Variants in ARHGAP6 observed in about 807,000 individuals in gnomAD.
ARHGAP6 encodes rho GTPase-activating protein 6.
Under a neutral mutation model 55.7 loss-of-function variants are expected in ARHGAP6, and 16 were observed. The observed-to-expected ratio is 0.29, with a 90% CI of 0.19 to 0.44. The LOEUF (loss-of-function observed/expected upper bound fraction) is 0.44, where lower values mean the gene tolerates loss of function less well. Among genes scored for constraint, ARHGAP6 ranks in the 20% least tolerant of loss-of-function variants. The pLI is 1.00. For synonymous variants in ARHGAP6, 382 were observed against 360.9 expected (o/e 1.06, Z -0.66); for missense variants, 698 against 808.9 (o/e 0.86, Z 1.66).
chrX:11,298,622 C>T lies in ARHGAP6; in HGVS notation c.589-43915G>A, dbSNP rs2106416. On this transcript the variant is annotated intron_variant, in intron 1 of 12. Coordinates refer to ENST00000337414, the MANE Select transcript of ARHGAP6 (RefSeq NM_013427.3). ...TCATCCCCGTGCTGTCCCAACAGCA[C>T]CCCCCGACTCACACCCTGCAGCCTC... is the stretch of plus-strand genomic sequence containing the variant. 0.2 allele frequency: 245,578 copies of T among 1,207,173 alleles called. 17,793 individuals carry two copies. The highest frequency in any genetic ancestry group is 0.29 in the African/African-American group (16,110 of 56,157).
rs143385091 is a variant in ARHGAP6 at position 11,242,645 on chromosome X, G to T, written c.748+11903C>A. 6.8e-3 allele frequency among the ~76,000 whole-genome samples: 757 copies of T among 111,567 alleles called. 4 individuals carry two copies. Among genetic ancestry groups the T allele is most frequent in the African/African-American group, 0.023 (711 of 30,751 alleles). ...GTAGAGACAGGAGTTTCCAAATATC[G>T]GGGCAGGGAAAATGGCTTTTGCCAA... On this transcript the variant is annotated intron_variant, in intron 2 of 12. Coordinates refer to ENST00000337414, the MANE Select transcript of ARHGAP6 (RefSeq NM_013427.3).
At chrX:11,250,925 T>G (rs1398960183) in intron 2 of ARHGAP6, among the ~76,000 whole-genome samples, 1 of 112,383 alleles carries the variant, frequency 8.9e-6, no homozygotes, top group East Asian at 2.8e-4. Context: ...ATGTCCCTCT[T>G]CACCTTCATT....
rs184906648 is a variant in ARHGAP6 at position 11,528,533 on chromosome X, A to G, written c.588+135708T>C. Among the ~76,000 whole-genome samples, 77 of 112,516 alleles carry G rather than the reference A, an allele frequency of 6.8e-4. No individual in the cohort carries two copies. In the East Asian group the frequency reaches 0.018, roughly 27 times the overall value. On this transcript the variant is annotated intron_variant, in intron 1 of 12. Transcript: ENST00000337414. ...CAGGGTCCACAGGGTTTCCAAATGC[A>G]GGAAACTATAGCAAAGGTTGCTTGT... is the stretch of plus-strand genomic sequence containing the variant.
rs528194290 is a variant in ARHGAP6 at position 11,319,857 on chromosome X, G to A, written c.589-65150C>T. ...TTTTCCAAACAGTGAGATGAAACAGGGACAACTCAAAGGCAGCTTCATTTT... is the reference window on the plus strand; with the variant it reads ...TTTTCCAAACAGTGAGATGAAACAGAGACAACTCAAAGGCAGCTTCATTTT... On this transcript the variant is annotated intron_variant, in intron 1 of 12. Transcript: ENST00000337414. Among the ~76,000 whole-genome samples the A allele has an allele frequency of 3.3e-4, 37 of 112,100 alleles. No individual in the cohort carries two copies. The South Asian group carries it at 0.013, about 39-fold the overall frequency.
At chrX:11,192,310 T>A (rs1195071493) in intron 3 of ARHGAP6, among the ~76,000 whole-genome samples, 2 of 111,636 alleles carry the variant, frequency 1.8e-5, no homozygotes, top group East Asian at 5.6e-4. Context: ...TTATCTCTTT[T>A]TTCCATTTAC....
intron 1 of ARHGAP6, among the ~76,000 whole-genome samples, chrX:11,526,442 A>T (rs188045823): frequency 0.044 from 4,949 of 111,931 alleles, 281 homozygotes; most frequent in African/African-American, 0.15. Flanking sequence ...TGAAGCAGGC[A>T]GGACACCAGA....
Position 11,598,595 on chromosome X carries a change from C to T in ARHGAP6, c.588+65646G>A, listed in dbSNP as rs137874580. On this transcript the variant is annotated intron_variant, in intron 1 of 12. Coordinates refer to ENST00000337414, the MANE Select transcript of ARHGAP6 (RefSeq NM_013427.3). ...TAGCTCCAACTTCTAAGTGAAAACA[C>T]GCAGTGTTTAGTTTTCTGTTCCTAT... is the stretch of plus-strand genomic sequence containing the variant. 8.2e-4 allele frequency among the ~76,000 whole-genome samples: 92 copies of T among 112,195 alleles called. 1 individual carries two copies. The East Asian group carries it at 0.015, about 18-fold the overall frequency.
intron 1 of ARHGAP6, among the ~76,000 whole-genome samples, chrX:11,610,388 G>A (rs1431401682): frequency 9.0e-6 from 1 of 110,930 alleles, no homozygotes; most frequent in African/African-American, 3.3e-5. Context: ...CTGTGCAAAG[G>A]TGGTTTCTTA....
At chrX:11,207,429 CT>C (rs2046721903) in intron 2 of ARHGAP6, among the ~76,000 whole-genome samples, 1 of 112,087 alleles carries the variant, frequency 8.9e-6, no homozygotes, top group Non-Finnish European at 1.9e-5. Flanking sequence ...ATTCCATATA[CT>C]TACCATCAAT....
chrX:11,189,175 A>C (rs1190721814), intron 3 of ARHGAP6, among the ~76,000 whole-genome samples, 191 bp from the exon 4 acceptor site: 1 of 112,353 alleles, frequency 8.9e-6, no homozygotes, highest in African/African-American at 3.2e-5. Flanking sequence ...AAAGAAAACT[A>C]GTATTTATAA....
intron 1 of ARHGAP6, among the ~76,000 whole-genome samples, chrX:11,310,209 T>A (rs1217010591): frequency 5.1e-5 from 2 of 39,033 alleles, no homozygotes; most frequent in African/African-American, 2.8e-4. Flanking sequence ...TAGGATAGCT[T>A]TAAAAAAAAA....
At position 11,568,735 on chromosome X, in the gene ARHGAP6, C is replaced by T. The variant is rs936894838; in HGVS notation, c.588+95506G>A. Among the ~76,000 whole-genome samples, 7 of 98,792 alleles carry T rather than the reference C, an allele frequency of 7.1e-5. No individual in the cohort carries two copies. The East Asian group carries it at 9.4e-4, about 13-fold the overall frequency. The allele number at this position is 98,792 out of a possible 115,157, so 85.8% of individuals were successfully genotyped here. On this transcript the variant is annotated intron_variant, in intron 1 of 12. Transcript: ENST00000337414. ...TTGCGCCACTGCACTCCAGCCTGGG[C>T]GACAAAGTGAGATACTATCTCAAAA...
At chrX:11,285,771 C>T (rs1163465241) in intron 1 of ARHGAP6, among the ~76,000 whole-genome samples, 1 of 112,422 alleles carries the variant, frequency 8.9e-6, no homozygotes, top group Non-Finnish European at 1.9e-5. Context: ...GGGAGGATGA[C>T]AGCTTCCTTC....
At chrX:11,323,343 C>T (rs931891079) in intron 1 of ARHGAP6, among the ~76,000 whole-genome samples, 3 of 112,062 alleles carry the variant, frequency 2.7e-5, no homozygotes, top group Non-Finnish European at 3.8e-5. Flanking sequence ...CTTGTTATAA[C>T]CTGCCTTAAC....
At chrX:11,292,271 G>A (rs187878160) in intron 1 of ARHGAP6, among the ~76,000 whole-genome samples, 27 of 111,589 alleles carry the variant, frequency 2.4e-4, no homozygotes, top group Admixed American at 1.6e-3. Context: ...TGGACGACTC[G>A]TCAGTTAGCT....
chrX:11,539,021 A>T (rs1569388768), intron 1 of ARHGAP6, among the ~76,000 whole-genome samples: 1 of 110,030 alleles, frequency 9.1e-6, no homozygotes, highest in Non-Finnish European at 1.9e-5. Context: ...CGCGTGGCTA[A>T]TTTTTTTGTA....
At chrX:11,651,810 T>C (rs957564454) in intron 1 of ARHGAP6, among the ~76,000 whole-genome samples, 13 of 111,826 alleles carry the variant, frequency 1.2e-4, no homozygotes, top group African/African-American at 3.9e-4. Flanking sequence ...GTTATTTTTT[T>C]ACTTTTTAAT....
At chrX:11,612,433 T>C (rs2052113414) in intron 1 of ARHGAP6, among the ~76,000 whole-genome samples, 1 of 111,676 alleles carries the variant, frequency 9.0e-6, no homozygotes, top group Non-Finnish European at 1.9e-5. Flanking sequence ...AAACGGAATG[T>C]TTGTGTACCC....
At chrX:11,593,391 A>G (rs1366538024) in intron 1 of ARHGAP6, among the ~76,000 whole-genome samples, 1 of 112,128 alleles carries the variant, frequency 8.9e-6, no homozygotes, top group Admixed American at 9.5e-5. Flanking sequence ...ATTCTGGAAA[A>G]GACCAAACCA....
Sources: allele counts gnomAD v4.1 joint callset (sites outside exome capture counted in the v4.1 genomes callset), GRCh38; gene constraint gnomAD v4.1.1; transcripts MANE v1.5; gene names NCBI Gene and HGNC (gene_info 2026-07-23, HGNC 2026-07-21).